PRLHR: variants seen among roughly 807,000 people sequenced by gnomAD.
PRLHR encodes prolactin releasing hormone receptor, also known as prolactin-releasing peptide receptor.
Under a neutral mutation model 9.3 loss-of-function variants are expected in PRLHR, and 10 were observed. The observed-to-expected ratio is 1.08, with a 90% CI of 0.66 to 1.82. The LOEUF is 1.82. Ranked by LOEUF, PRLHR falls within the 40% of genes most tolerant of loss-of-function variation. The pLI, the probability that PRLHR is intolerant of heterozygous loss-of-function variation, is 0.00. For missense variants in PRLHR, 589 were observed against 512.0 expected, an observed-to-expected ratio of 1.15 and a Z score of -1.45; for synonymous variants, 261 against 249.3, an observed-to-expected ratio of 1.05 and a Z score of -0.44.
Position 118,594,754 on chromosome 10 carries a change from A to C in PRLHR, c.491T>G (p.Val164Gly). The C allele has an allele frequency of 6.2e-7, 1 of 1,609,294 alleles. No individual in the cohort carries two copies. Among genetic ancestry groups the C allele is most frequent in the Non-Finnish European group, 8.5e-7 (1 of 1,179,238 alleles). The change falls in exon 2 of 2, where the codon GTG (valine) becomes GGG (glycine). Residue 164 changes from valine (V) to glycine (G), a missense_variant. Val to Gly is a moderately radical substitution (Grantham distance 109). Coordinates refer to ENST00000239032, the MANE Select transcript of PRLHR (RefSeq NM_004248.3). ...CGAGATGCGCCGCCTCAGCGGGTGC[A>C]CCAGCACGACGTAGCGGTCCACTGC... ...TIAVDRYVVLVHPLRRRISLR... is the reference protein window; with the variant it reads ...TIAVDRYVVLGHPLRRRISLR...
At position 118,594,705 on chromosome 10, in the gene PRLHR, C is replaced by T; in HGVS notation, c.540G>A (p.Val180=). ...RISLRLSAYA[V]LAIWALSAVL... ...CCGCGGACAGCGCCCAGATGGCCAG[C>T]ACAGCGTAGGCGCTGAGGCGCAGCG... The change falls in exon 2 of 2, where the codon GTG becomes GTA. Residue 180 remains valine, a synonymous_variant. Transcript: ENST00000239032. 6.3e-7 allele frequency: 1 copy of T among 1,596,620 alleles called. No homozygotes were observed. Among genetic ancestry groups the T allele is most frequent in the South Asian group, 1.1e-5 (1 of 90,000 alleles).
rs143477537 is a variant in PRLHR at position 118,594,627 on chromosome 10, G to C, written c.618C>G (p.His206Gln). The C allele has an allele frequency of 3.2e-6, 5 of 1,579,488 alleles. No individual in the cohort carries two copies. The highest frequency in any genetic ancestry group is 2.3e-5 in the East Asian group (1 of 43,624). ...VHTYHVELKPHDVRLCEEFWG... is the reference protein window; with the variant it reads ...VHTYHVELKPQDVRLCEEFWG... ...AGAACTCCTCGCAGAGGCGCACGTCGTGCGGCTTGAGCTCCACGTGATAGG... is the reference window on the plus strand; with the variant it reads ...AGAACTCCTCGCAGAGGCGCACGTCCTGCGGCTTGAGCTCCACGTGATAGG... Residue 206 changes from histidine (H) to glutamine (Q), a missense_variant, in exon 2 of 2, where the codon CAC becomes CAG. By Grantham distance (24) the His-to-Gln change is conservative. Coordinates refer to ENST00000239032, the MANE Select transcript of PRLHR (RefSeq NM_004248.3).
rs1324944693 is a variant in PRLHR, at chr10:118,592,050, A to C, written c.*2082T>G. ...CTTGGTTGCACATTAAAATCCCCTG[A>C]AGTGCTTTGGAAAATGCTAGTGTCC... On this transcript the variant is annotated 3_prime_UTR_variant, in exon 2 of 2. Transcript: ENST00000239032. The C allele has an allele frequency of 1.3e-5, 2 of 152,032 alleles. No homozygotes were observed. The highest frequency in any genetic ancestry group is 2.9e-5 in the Non-Finnish European group (2 of 68,026). 9.4% of individuals were successfully genotyped at this position (152,032 alleles called of 1,614,324 possible). A position where few individuals can be genotyped will look rare whatever the true frequency, so the allele number is the denominator to read the frequency against.
chr10:118,590,762 T>C lies in PRLHR; in HGVS notation c.*3370A>G, dbSNP rs1220920020. 1.3e-5 allele frequency: 2 copies of C among 152,252 alleles called. No homozygotes were observed. Among genetic ancestry groups the C allele is most frequent in the African/African-American group, 4.8e-5 (2 of 41,472 alleles). 9.4% of individuals were successfully genotyped at this position (152,252 alleles called of 1,614,324 possible). On this transcript the variant is annotated 3_prime_UTR_variant, in exon 2 of 2. Transcript: ENST00000239032. ...GGACTCACCTCTGATTTTTTTGAAATTCGGTTTGATTTATAAACTAGTCCA... is the reference window on the plus strand; with the variant it reads ...GGACTCACCTCTGATTTTTTTGAAACTCGGTTTGATTTATAAACTAGTCCA...
chr10:118,594,927 G>A lies in PRLHR; in HGVS notation c.318C>T (p.Asp106=), dbSNP rs1330054120. The change falls in exon 2 of 2, where the codon GAC becomes GAT. Residue 106 remains aspartate, a synonymous_variant. Coordinates refer to ENST00000239032, the MANE Select transcript of PRLHR (RefSeq NM_004248.3). ...GCACGCAGGCGGTGCACATGAGCAC[G>A]TCGGACAAGGCCAGGTTGCCGATGA... ...NFLIGNLALS[D]VLMCTACVPL... is the part of the protein sequence containing the mutation. The A allele has an allele frequency of 6.2e-7, 1 of 1,613,504 alleles. No individual in the cohort carries two copies. Among genetic ancestry groups the A allele is most frequent in the Admixed American group, 1.7e-5 (1 of 59,994 alleles).
rs1238885840 is a variant in PRLHR at position 118,593,894 on chromosome 10, C to A, written c.*238G>T. 2 of 518,694 alleles carry A rather than the reference C, an allele frequency of 3.9e-6. No homozygotes were observed. Among genetic ancestry groups the A allele is most frequent in the Non-Finnish European group, 5.8e-6 (2 of 345,654 alleles). The allele number at this position is 518,694 out of a possible 1,614,324, so 32.1% of individuals were successfully genotyped here. ...GCATAAAGAAGAAATAAGAAATCCT[C>A]TTCCCTCTCTTTGGCCTCCCCCAAG... On this transcript the variant is annotated 3_prime_UTR_variant, in exon 2 of 2. Coordinates refer to ENST00000239032, the MANE Select transcript of PRLHR (RefSeq NM_004248.3).
chr10:118,594,690 C>T lies in PRLHR; in HGVS notation c.555G>A (p.Ala185=). The T allele has an allele frequency of 6.3e-7, 1 of 1,589,136 alleles. No homozygotes were observed. ...CGGGCAGCGCCAGCACCGCGGACAG[C>T]GCCCAGATGGCCAGCACAGCGTAGG... ...LSAYAVLAIW[A]LSAVLALPAA... Residue 185 remains alanine (A), a synonymous_variant, in exon 2 of 2, where the codon GCG becomes GCA. Coordinates refer to ENST00000239032, the MANE Select transcript of PRLHR (RefSeq NM_004248.3).
chr10:118,595,278 C>T (rs779467200), intron 1 of PRLHR, 28 bp from the exon 2 acceptor site: 27 of 1,491,682 alleles, frequency 1.8e-5, no homozygotes, highest in Middle Eastern at 3.9e-4. Flanking sequence ...AAGTCCGTCA[C>T]TTCCCTTGCC....
rs1187260870 is a variant in PRLHR at position 118,591,137 on chromosome 10, C to T, written c.*2995G>A. On this transcript the variant is annotated 3_prime_UTR_variant, in exon 2 of 2. Coordinates refer to ENST00000239032, the MANE Select transcript of PRLHR (RefSeq NM_004248.3). ...TTTGTTTTTTTGAGACTAGATTTTG[C>T]TCTGTCACTGAGACTGGAGTGCAGT... The T allele has an allele frequency of 6.6e-6, 1 of 151,866 alleles. No homozygotes were observed. The highest frequency in any genetic ancestry group is 1.5e-5 in the Non-Finnish European group (1 of 67,986). The allele number at this position is 151,866 out of a possible 1,614,324, so 9.4% of individuals were successfully genotyped here.
In PRLHR at chr10:118,590,703, A is replaced by G. The variant is rs1844424815; in HGVS notation, c.*3429T>C. ...TAACCAAAATGAATTATTAAATAAA[A>G]TTTTCTACCTACAGTCCTACGCAGT... On this transcript the variant is annotated 3_prime_UTR_variant, in exon 2 of 2. Coordinates refer to ENST00000239032, the MANE Select transcript of PRLHR (RefSeq NM_004248.3). 1.3e-5 allele frequency: 2 copies of G among 152,180 alleles called. No individual in the cohort carries two copies. The highest frequency in any genetic ancestry group is 2.4e-5 in the African/African-American group (1 of 41,436). The allele number at this position is 152,180 out of a possible 1,614,324, so 9.4% of individuals were successfully genotyped here. A position where few individuals can be genotyped will look rare whatever the true frequency, so the allele number is the denominator to read the frequency against.
At position 118,591,285 on chromosome 10, in the gene PRLHR, G is replaced by A. The variant is rs1241645711; in HGVS notation, c.*2847C>T. 1.3e-5 allele frequency: 2 copies of A among 151,950 alleles called. No homozygotes were observed. Among genetic ancestry groups the A allele is most frequent in the Non-Finnish European group, 2.9e-5 (2 of 67,988 alleles). The allele number at this position is 151,950 out of a possible 1,614,324, so 9.4% of individuals were successfully genotyped here. On this transcript the variant is annotated 3_prime_UTR_variant, in exon 2 of 2. Coordinates refer to ENST00000239032, the MANE Select transcript of PRLHR (RefSeq NM_004248.3). ...ACCACGTCCGGCTATTTTTTGTAGA[G>A]ATGGAGTTTTGCCATATTTCCCAGG...
rs76726569 is a variant in PRLHR at position 118,594,351 on chromosome 10, G to A, written c.894C>T (p.Asn298=). 5.9e-5 allele frequency: 95 copies of A among 1,600,844 alleles called. No individual in the cohort carries two copies. In the African/African-American group the frequency reaches 1.2e-3, roughly 20 times the overall value. Residue 298 remains asparagine (N), a synonymous_variant, in exon 2 of 2, where the codon AAC becomes AAT. Coordinates refer to ENST00000239032, the MANE Select transcript of PRLHR (RefSeq NM_004248.3). The part of the protein sequence containing the change: ...AVCWLPLHVF[N]LLRDLDPHAI... ...CGTGGGGGTCGAGGTCCCGCAGCAG[G>A]TTGAAGACGTGCAGCGGCAGCCAGC...
rs1211781840 is a variant in PRLHR at position 118,592,121 on chromosome 10, C to T, written c.*2011G>A. On this transcript the variant is annotated 3_prime_UTR_variant, in exon 2 of 2. Coordinates refer to ENST00000239032, the MANE Select transcript of PRLHR (RefSeq NM_004248.3). The stretch of plus-strand genomic sequence containing the variant: ...TAGACTCTTGGGAGGAGAGCCCAGA[C>T]ATCAATTACAAAAAGAAAAAAAAGT... 2.0e-5 allele frequency: 3 copies of T among 150,074 alleles called. No individual in the cohort carries two copies. Among genetic ancestry groups the T allele is most frequent in the Non-Finnish European group, 3.0e-5 (2 of 67,560 alleles). The allele number at this position is 150,074 out of a possible 1,614,324, so 9.3% of individuals were successfully genotyped here.
rs1229047886 is a variant in PRLHR at position 118,595,044 on chromosome 10, G to A, written c.201C>T (p.Tyr67=). ...CCAGCCCCACGACCACCACGACGCT[G>A]TAGAGCAGCACGATCAGCCCCTTCA... ...HQLKGLIVLL[Y]SVVVVVGLVG... is the part of the protein sequence containing the mutation. The change falls in exon 2 of 2, where the codon TAC becomes TAT. Residue 67 remains tyrosine (Y), a synonymous_variant. Coordinates refer to ENST00000239032, the MANE Select transcript of PRLHR (RefSeq NM_004248.3). 3.7e-6 allele frequency: 6 copies of A among 1,610,402 alleles called. No homozygotes were observed. In the South Asian group the frequency reaches 5.5e-5, roughly 15 times the overall value.
chr10:118,594,620 G>C lies in PRLHR; in HGVS notation c.625C>G (p.Arg209Gly). ...GAGCCCCAGAACTCCTCGCAGAGGC[G>C]CACGTCGTGCGGCTTGAGCTCCACG... ...YHVELKPHDVRLCEEFWGSQE... is the reference protein window; with the variant it reads ...YHVELKPHDVGLCEEFWGSQE... The change falls in exon 2 of 2, where the codon CGC (arginine) becomes GGC (glycine). Residue 209 changes from arginine (R) to glycine (G), a missense_variant. Coordinates refer to ENST00000239032, the MANE Select transcript of PRLHR (RefSeq NM_004248.3). 1 of 1,576,416 alleles carries C rather than the reference G, an allele frequency of 6.3e-7. No individual in the cohort carries two copies. Among genetic ancestry groups the C allele is most frequent in the Non-Finnish European group, 8.6e-7 (1 of 1,163,046 alleles).
rs572621954 is a variant in PRLHR, at chr10:118,595,549, C to G, written c.-40G>C. 5.1e-4 allele frequency: 138 copies of G among 268,888 alleles called. No homozygotes were observed. The Middle Eastern group carries it at 5.3e-3, about 10-fold the overall frequency. 16.7% of individuals were successfully genotyped at this position (268,888 alleles called of 1,614,324 possible). The stretch of plus-strand genomic sequence containing the variant: ...GGGGTTTGGAGAGCGGGAAAGCACT[C>G]GCGGGAAGAAGGGGCAGAATTTCTG... On this transcript the variant is annotated 5_prime_UTR_variant, in exon 1 of 2. Coordinates refer to ENST00000239032, the MANE Select transcript of PRLHR (RefSeq NM_004248.3).
At position 118,595,190 on chromosome 10, in the gene PRLHR, G is replaced by A. The variant is rs200043799; in HGVS notation, c.55C>T (p.Pro19Ser). 25 of 1,571,626 alleles carry A rather than the reference G, an allele frequency of 1.6e-5. No homozygotes were observed. The highest frequency in any genetic ancestry group is 2.1e-5 in the Non-Finnish European group (25 of 1,163,982). Residue 19 changes from proline (P) to serine (S), a missense_variant, in exon 2 of 2, where the codon CCG becomes TCG. Physicochemically the swap from Pro to Ser is moderately conservative, Grantham distance 74. Coordinates refer to ENST00000239032, the MANE Select transcript of PRLHR (RefSeq NM_004248.3). ...TTGGCGGGAGTTGTGACCGCCGGCGGCAGCCCAGAAAATAAGTCAGAAACC... is the reference window on the plus strand; with the variant it reads ...TTGGCGGGAGTTGTGACCGCCGGCGACAGCCCAGAAAATAAGTCAGAAACC... ...PRVSDLFSGL[P>S]PAVTTPANQS...
rs1372924568 is a variant in PRLHR at position 118,594,191 on chromosome 10, C to T, written c.1054G>A (p.Ala352Thr). The T allele has an allele frequency of 6.4e-7, 1 of 1,564,320 alleles. No homozygotes were observed. Among genetic ancestry groups the T allele is most frequent in the South Asian group, 1.2e-5 (1 of 82,158 alleles). The change falls in exon 2 of 2, where the codon GCT becomes ACT. Residue 352 changes from alanine (A) to threonine (T), a missense_variant. Ala to Thr is a moderately conservative substitution (Grantham distance 58, BLOSUM62 0). Transcript: ENST00000239032. ...FREELRKLLV[A>T]WPRKIAPHGQ... ...TGGGGGGCTATCTTGCGGGGCCAAG[C>T]GACCAACAGTTTGCGCAGCTCCTCG...
Position 118,594,512 on chromosome 10 carries a change from A to C in PRLHR, c.733T>G (p.Tyr245Asp). ...CGGAGCTTCACTGACACCCGGACGTAAGACAGGAGGATGACCAGCAGAGGG... is the reference window on the plus strand; with the variant it reads ...CGGAGCTTCACTGACACCCGGACGTCAGACAGGAGGATGACCAGCAGAGGG... ...LLPLLVILLS[Y>D]VRVSVKLRNR... Residue 245 changes from tyrosine (Y) to aspartate (D), a missense_variant, in exon 2 of 2, where the codon TAC (tyrosine) becomes GAC (aspartate). Coordinates refer to ENST00000239032, the MANE Select transcript of PRLHR (RefSeq NM_004248.3). 6.3e-7 allele frequency: 1 copy of C among 1,589,838 alleles called. No individual in the cohort carries two copies. The highest frequency in any genetic ancestry group is 8.5e-7 in the Non-Finnish European group (1 of 1,169,846).
Sources: allele counts gnomAD v4.1 joint callset, GRCh38; gene constraint gnomAD v4.1.1; transcripts MANE v1.5; gene names NCBI Gene and HGNC (gene_info 2026-07-23, HGNC 2026-07-21).